Variants in PRKN observed in about 807,000 individuals in gnomAD.
The protein encoded by PRKN is parkin RBR E3 ubiquitin protein ligase, also known as E3 ubiquitin-protein ligase parkin.
PRKN carries 56 observed loss-of-function variants against 59.5 expected under a neutral mutation model. The observed-to-expected ratio is 0.94, with a 90% CI of 0.76 to 1.18. The LOEUF (loss-of-function observed/expected upper bound fraction) is 1.18. Among genes scored for constraint, PRKN ranks in the 50% most tolerant of loss-of-function variants. The probability of loss-of-function intolerance (pLI) is 0.00; values close to 1 mark genes in which losing one functional copy is unlikely to be tolerated. For missense variants in PRKN, 657 were observed against 596.4 expected (o/e 1.10, Z -1.06); for synonymous variants, 250 against 222.1 (o/e 1.13, Z -1.12).
At position 161,475,998 on chromosome 6, in the gene PRKN, A is replaced by G. The variant is rs1425660527; in HGVS notation, c.1083+72856T>C. On this transcript the variant is annotated intron_variant, in intron 9 of 11. Coordinates refer to ENST00000366898, the MANE Select transcript of PRKN (RefSeq NM_004562.3). This position sits in a 1 kb window ranked among gnomAD's most constrained non-coding sequence, Gnocchi z 5.3. The stretch of plus-strand genomic sequence containing the variant: ...TCAGGAGATGGAGACCATCCTGGTT[A>G]ACACGGTGAAAGCCTGTCTCTACTA... Among the ~76,000 whole-genome samples, 2 of 152,018 alleles carry G rather than the reference A, an allele frequency of 1.3e-5. No homozygotes were observed. The highest frequency in any genetic ancestry group is 2.4e-5 in the African/African-American group (1 of 41,402).
At chr6:162,539,729 T>C (rs1295984785) in intron 1 of PRKN, among the ~76,000 whole-genome samples, 1 of 152,206 alleles carries the variant, frequency 6.6e-6, no homozygotes, top group Non-Finnish European at 1.5e-5. Context: ...GAGAAAATAC[T>C]GGGCTGCTGA....
chr6:161,386,871 A>G lies in PRKN; in HGVS notation c.1090T>C (p.Phe364Leu), dbSNP rs1786277959. The change falls in exon 10 of 12, where the codon TTC (phenylalanine) becomes CTC (leucine). Residue 364 changes from phenylalanine (F) to leucine (L), a missense_variant. Transcript: ENST00000366898. The surrounding 1 kb of genome is among the most constrained non-coding windows in gnomAD (Gnocchi z 4.3). ...TACGCTTCTTTACATTCCCGGCAGA[A>G]GGCAAACTGCAAAAGAACACACATC... ...GGNGLGCGFA[F>L]CRECKEAYHE... is the part of the protein sequence containing the mutation. 4 of 1,613,926 alleles carry G rather than the reference A, an allele frequency of 2.5e-6. No homozygotes were observed. Among genetic ancestry groups the G allele is most frequent in the East Asian group, 4.5e-5 (2 of 44,880 alleles).
intron 3 of PRKN, among the ~76,000 whole-genome samples, chr6:162,254,118 G>A (rs988804331): frequency 2.0e-5 from 3 of 152,080 alleles, no homozygotes; most frequent in Non-Finnish European, 2.9e-5. Flanking sequence ...GCTAAGGAAG[G>A]ACCGTCTTTG....
At chr6:162,437,091 C>CAA (rs67044548) in intron 2 of PRKN, among the ~76,000 whole-genome samples, 16,763 of 148,842 alleles carry the variant, frequency 0.11, 1,279 homozygotes, top group African/African-American at 0.22. Context: ...GACTCTGTCT[C>CAA]AAAAAAAATA....
chr6:162,352,814 T>C (rs188427723), intron 2 of PRKN, among the ~76,000 whole-genome samples: 2 of 152,338 alleles, frequency 1.3e-5, no homozygotes, highest in Admixed American at 1.3e-4. Flanking sequence ...CACCTCATTT[T>C]CTAGATTTGA....
chr6:161,748,902 A>G (rs1400412889), intron 7 of PRKN, among the ~76,000 whole-genome samples: 3 of 152,232 alleles, frequency 2.0e-5, no homozygotes, highest in Admixed American at 6.5e-5. Context: ...AGCTTAAAGG[A>G]GAAATTCCCT....
intron 4 of PRKN, among the ~76,000 whole-genome samples, chr6:162,149,202 T>G (rs920547601): frequency 1.3e-5 from 2 of 152,140 alleles, no homozygotes; most frequent in African/African-American, 2.4e-5. Flanking sequence ...AAAATATTGA[T>G]TTATTTTATT....
At chr6:162,091,869 C>T (rs1041505391) in intron 4 of PRKN, among the ~76,000 whole-genome samples, 2 of 151,822 alleles carry the variant, frequency 1.3e-5, no homozygotes, top group African/African-American at 4.8e-5. Flanking sequence ...AGAGCCGATT[C>T]TACAAAAATT....
At chr6:161,860,684 T>C (rs769424001) in intron 6 of PRKN, among the ~76,000 whole-genome samples, 2 of 152,172 alleles carry the variant, frequency 1.3e-5, no homozygotes, top group Non-Finnish European at 2.9e-5. Flanking sequence ...TTATCTCCCA[T>C]TCTGTAGGTT....
At chr6:162,526,793 T>A (rs1460538804) in intron 1 of PRKN, among the ~76,000 whole-genome samples, 1 of 151,990 alleles carries the variant, frequency 6.6e-6, no homozygotes, top group Non-Finnish European at 1.5e-5. Flanking sequence ...ACACAGAGGA[T>A]TAGATTTTCA....
In PRKN at chr6:162,023,532, T is replaced by C. The variant is rs73590311; in HGVS notation, c.618+30559A>G. 7.3e-3 allele frequency among the ~76,000 whole-genome samples: 1,109 copies of C among 152,148 alleles called. 10 individuals carry two copies. The highest frequency in any genetic ancestry group is 0.024 in the African/African-American group (1,014 of 41,498). On this transcript the variant is annotated intron_variant, in intron 5 of 11. Coordinates refer to ENST00000366898, the MANE Select transcript of PRKN (RefSeq NM_004562.3). ...GTTCTGCTGGTCGCCTGCCGGTGTTTGTCGGTGTGCTCTTCTCCTAGCCTG... is the reference window on the plus strand; with the variant it reads ...GTTCTGCTGGTCGCCTGCCGGTGTTCGTCGGTGTGCTCTTCTCCTAGCCTG...
At position 161,459,368 on chromosome 6, in the gene PRKN, T is replaced by TG. The variant is rs749854839; in HGVS notation, c.1084-72492_1084-72491insC. ...ATTCCAGAATATGGTGTGAATTAAG[T>TG]AATTCATTTGGTTTTAGTTTACTTT... On this transcript the variant is annotated intron_variant, in intron 9 of 11. Coordinates refer to ENST00000366898, the MANE Select transcript of PRKN (RefSeq NM_004562.3). The surrounding 1 kb of genome is among the most constrained non-coding windows in gnomAD (Gnocchi z 4.8). Among the ~76,000 whole-genome samples the TG allele has an allele frequency of 6.6e-6, 1 of 152,242 alleles. No individual in the cohort carries two copies. The highest frequency in any genetic ancestry group is 1.5e-5 in the Non-Finnish European group (1 of 68,050).
chr6:161,578,905 A>G lies in PRKN; in HGVS notation c.872-9489T>C, dbSNP rs1220141734. ...CTTTGCCTTCACCTTTGAATTTCAT[A>G]AAGTTCTTCCTTTGTTATTGACCTA... On this transcript the variant is annotated intron_variant, in intron 7 of 11. Coordinates refer to ENST00000366898, the MANE Select transcript of PRKN (RefSeq NM_004562.3). This position sits in a 1 kb window ranked among gnomAD's most constrained non-coding sequence, Gnocchi z 4.2. Among the ~76,000 whole-genome samples the G allele has an allele frequency of 6.6e-6, 1 of 152,228 alleles. No homozygotes were observed. Among genetic ancestry groups the G allele is most frequent in the Non-Finnish European group, 1.5e-5 (1 of 68,038 alleles).
chr6:162,673,742 T>TA (rs1779428265), intron 1 of PRKN, among the ~76,000 whole-genome samples: 2 of 152,032 alleles, frequency 1.3e-5, no homozygotes, highest in African/African-American at 4.8e-5. Flanking sequence ...ATCCAAACCA[T>TA]ACAGAGGAAG....
intron 1 of PRKN, among the ~76,000 whole-genome samples, chr6:162,669,066 G>C (rs1166982134): frequency 9.2e-5 from 14 of 152,080 alleles, no homozygotes; most frequent in Non-Finnish European, 1.0e-4. Flanking sequence ...TAACAGGAAA[G>C]ATTGAGTTTT....
chr6:161,642,720 G>A lies in PRKN; in HGVS notation c.872-73304C>T, dbSNP rs141495875. Among the ~76,000 whole-genome samples, 657 of 152,182 alleles carry A rather than the reference G, an allele frequency of 4.3e-3. 2 individuals carry two copies. The highest frequency in any genetic ancestry group is 6.5e-3 in the Non-Finnish European group (443 of 67,998). The stretch of plus-strand genomic sequence containing the variant: ...GTCAGTGGAGGAATTGGGAGAAGTT[G>A]GAAAAAAGAAAAGCCAAAATAAGAA... On this transcript the variant is annotated intron_variant, in intron 7 of 11. Transcript: ENST00000366898.
rs143664470 is a variant in PRKN at position 161,729,000 on chromosome 6, C to T, written c.871+56772G>A. Among the ~76,000 whole-genome samples the T allele has an allele frequency of 2.8e-4, 42 of 152,282 alleles. 1 individual carries two copies. Among genetic ancestry groups the T allele is most frequent in the African/African-American group, 9.9e-4 (41 of 41,562 alleles). ...TCAAACTCAAATGTGCCTAGATGTA[C>T]ATCTAAAGCCTCTGAAATAATTCTA... On this transcript the variant is annotated intron_variant, in intron 7 of 11. Transcript: ENST00000366898.
chr6:161,843,811 T>G (rs1583236120), intron 6 of PRKN, among the ~76,000 whole-genome samples: 1 of 152,076 alleles, frequency 6.6e-6, no homozygotes, highest in South Asian at 2.1e-4. Flanking sequence ...ATTCATTCAT[T>G]CATGCATTCA....
intron 9 of PRKN, among the ~76,000 whole-genome samples, chr6:161,430,462 G>A (rs890245727): frequency 5.9e-5 from 9 of 152,196 alleles, no homozygotes; most frequent in Non-Finnish European, 1.3e-4. Context: ...GGGATTGTCA[G>A]TAAATGCACT....
Sources: allele counts gnomAD v4.1 joint callset (sites outside exome capture counted in the v4.1 genomes callset), GRCh38; gene constraint gnomAD v4.1.1; non-coding constraint Gnocchi (gnomAD v3.1); transcripts MANE v1.5; gene names NCBI Gene and HGNC (gene_info 2026-07-23, HGNC 2026-07-21).